Variants in NVL observed in about 807,000 individuals in gnomAD.
NVL encodes nuclear valosin-containing protein-like.
Under a neutral mutation model 110.2 loss-of-function variants are expected in NVL, and 84 were observed. The observed-to-expected ratio is 0.76, with a 90% CI of 0.64 to 0.91. The LOEUF is 0.91. NVL is among the 40% of genes least tolerant of loss of function. NVL has a pLI of 0.00. For missense variants in NVL, 882 were observed against 1,035.9 expected (o/e 0.85, Z 2.04); for synonymous variants, 354 against 361.1 (o/e 0.98, Z 0.22).
chr1:224,227,680 G>C lies in NVL; in HGVS notation c.2527-10C>G, dbSNP rs781496971. ...CATACATGATTTGATCCTGAAAGGA[G>C]GGAGAACACAGAATACAGAGACCGT... On this transcript the variant is annotated splice_polypyrimidine_tract_variant and intron_variant, in intron 22 of 22. Transcript: ENST00000281701. 7.5e-6 allele frequency: 12 copies of C among 1,609,304 alleles called. No individual in the cohort carries two copies. Among genetic ancestry groups the C allele is most frequent in the Admixed American group, 1.7e-5 (1 of 59,750 alleles).
intron 2 of NVL, among the ~76,000 whole-genome samples, chr1:224,321,620 G>A (rs1670650110): frequency 6.6e-6 from 1 of 151,786 alleles, no homozygotes; most frequent in Admixed American, 6.6e-5. Context: ...TTAGGGTGTG[G>A]TGGTGTACAC....
intron 16 of NVL, 95 bp downstream of exon 16, chr1:224,281,028 A>G: frequency 8.8e-7 from 1 of 1,142,564 alleles, no homozygotes; most frequent in Non-Finnish European, 1.3e-6. Flanking sequence ...CCAAAATACC[A>G]CAATTGCTGA....
intron 18 of NVL, among the ~76,000 whole-genome samples, chr1:224,262,845 T>C (rs761022731): frequency 4.6e-5 from 7 of 151,816 alleles, no homozygotes; most frequent in Admixed American, 1.3e-4. Flanking sequence ...CAGAGAGAAA[T>C]AGTGACACAG....
At chr1:224,305,310 C>G (rs535136367) in intron 6 of NVL, 144 bp from the exon 7 acceptor site, 41 of 720,614 alleles carry the variant, frequency 5.7e-5, no homozygotes, top group Admixed American at 9.2e-5. Context: ...TCTCTTTGCT[C>G]AAAGATGCTG....
At chr1:224,319,506 G>A (rs1452834656) in intron 2 of NVL, among the ~76,000 whole-genome samples, 1 of 151,896 alleles carries the variant, frequency 6.6e-6, no homozygotes, top group African/African-American at 2.4e-5. Flanking sequence ...ACAGGATATA[G>A]TTGTTTTTCT....
At chr1:224,275,580 A>G in intron 16 of NVL, 122 bp from the exon 17 acceptor site, 1 of 1,243,718 alleles carries the variant, frequency 8.0e-7, no homozygotes, top group South Asian at 1.4e-5. Context: ...AGAAAGTATC[A>G]GAATGAACCA....
intron 18 of NVL, among the ~76,000 whole-genome samples, chr1:224,263,138 G>A (rs1016038723): frequency 1.3e-5 from 2 of 152,114 alleles, no homozygotes; most frequent in Non-Finnish European, 1.5e-5. Flanking sequence ...AGAAGGGATG[G>A]GAGAGAAAAC....
chr1:224,250,889 G>A (rs1177796923), intron 18 of NVL, among the ~76,000 whole-genome samples: 1 of 152,134 alleles, frequency 6.6e-6, no homozygotes, highest in Admixed American at 6.6e-5. Context: ...ACTCCCGAGT[G>A]CAAGCAATCC....
chr1:224,232,246 G>C (rs1324679139), intron 21 of NVL: 2 of 151,018 alleles, frequency 1.3e-5, no homozygotes, highest in Non-Finnish European at 2.9e-5. Context: ...CTAGCTACTT[G>C]GGAGGCTGAG....
chr1:224,239,057 TTC>T (rs1332835647), intron 19 of NVL, among the ~76,000 whole-genome samples: 20 of 152,200 alleles, frequency 1.3e-4, no homozygotes, highest in African/African-American at 4.8e-4. Flanking sequence ...ACTTGGAGTG[TTC>T]TCTTTCTTGA....
intron 22 of NVL, among the ~76,000 whole-genome samples, chr1:224,229,985 C>T (rs537112838): frequency 2.6e-5 from 4 of 152,206 alleles, no homozygotes; most frequent in African/African-American, 9.6e-5. Flanking sequence ...GTGCATGACA[C>T]CATGCCTGGC....
chr1:224,273,742 A>T (rs1665437220), intron 17 of NVL, among the ~76,000 whole-genome samples: 1 of 152,136 alleles, frequency 6.6e-6, no homozygotes, highest in Non-Finnish European at 1.5e-5. Context: ...CCAGCTGGAG[A>T]TAACAAAGTG....
chr1:224,293,001 C>T (rs529166689), intron 12 of NVL, among the ~76,000 whole-genome samples: 21 of 151,988 alleles, frequency 1.4e-4, no homozygotes, highest in South Asian at 6.2e-4. Context: ...GTGATGCACC[C>T]GCCTCGGCCT....
At position 224,289,833 on chromosome 1, in the gene NVL, T is replaced by C. The variant is rs187690418; in HGVS notation, c.1326-100A>G. The C allele has an allele frequency of 3.8e-3, 4,112 of 1,095,936 alleles. 15 individuals carry two copies. The highest frequency in any genetic ancestry group is 4.7e-3 in the Non-Finnish European group (3,701 of 781,006). 67.9% of individuals were successfully genotyped at this position (1,095,936 alleles called of 1,614,324 possible). On this transcript the variant is annotated intron_variant, in intron 12 of 22. Transcript: ENST00000281701. ...TGAAGTCCTTCACGTCTGCCAAAGG[T>C]ATCAAAATGGATACTATATAAGATC...
chr1:224,322,157 T>G (rs1302900988), intron 2 of NVL, among the ~76,000 whole-genome samples: 2 of 152,096 alleles, frequency 1.3e-5, no homozygotes, highest in Non-Finnish European at 2.9e-5. Context: ...CGTAGCTCAC[T>G]GCAGCCTTGA....
chr1:224,268,592 T>C (rs1664732071), intron 17 of NVL, among the ~76,000 whole-genome samples: 1 of 152,168 alleles, frequency 6.6e-6, no homozygotes, highest in Non-Finnish European at 1.5e-5. Flanking sequence ...TGCCTCAGCC[T>C]CCCAAAGTGC....
rs1047075583 is a variant in NVL, at chr1:224,308,383, T to C, written c.343-120A>G. ...TTTTTTAACAACTTCTCTCAGAACA[T>C]TTATAATCAGAATATATAGGTGTTA... On this transcript the variant is annotated intron_variant, in intron 5 of 22. Coordinates refer to ENST00000281701, the MANE Select transcript of NVL (RefSeq NM_002533.4). 40 of 877,512 alleles carry C rather than the reference T, an allele frequency of 4.6e-5. 1 individual carries two copies. The Admixed American group carries it at 1.1e-3, about 24-fold the overall frequency. The allele number at this position is 877,512 out of a possible 1,614,324, so 54.4% of individuals were successfully genotyped here.
intron 10 of NVL, 41 bp from the exon 11 acceptor site, chr1:224,296,659 TC>T: frequency 8.5e-7 from 1 of 1,181,148 alleles, no homozygotes; most frequent in Non-Finnish European, 1.2e-6. Flanking sequence ...CATAAATGCA[TC>T]CCCTATACTG....
chr1:224,329,012 G>C (rs1163820747), intron 1 of NVL, among the ~76,000 whole-genome samples: 1 of 151,950 alleles, frequency 6.6e-6, no homozygotes, highest in Non-Finnish European at 1.5e-5. Flanking sequence ...AGACCAGCCA[G>C]AGTAACATAG....
Sources: gnomAD v4.1 joint callset for allele counts (sites outside exome capture counted in the v4.1 genomes callset) on GRCh38, gnomAD v4.1.1 for gene constraint, MANE v1.5 for transcripts, NCBI Gene and HGNC (gene_info 2026-07-23, HGNC 2026-07-21) for gene names.